The following SPOCK3 variants were observed in gnomAD, a reference collection of about 807,000 sequenced individuals.
SPOCK3 encodes the protein testican-3.
A neutral mutation model predicts 56.6 loss-of-function variants in SPOCK3; 30 were observed. That is an observed-to-expected ratio of 0.53 (90% confidence interval 0.40 to 0.72). The LOEUF (loss-of-function observed/expected upper bound fraction) is 0.72, where lower values mean the gene tolerates loss of function less well. Among genes scored for constraint, SPOCK3 ranks in the 30% least tolerant of loss-of-function variants. SPOCK3 has a pLI of 0.00. For synonymous variants in SPOCK3, 196 were observed against 183.3 expected, an observed-to-expected ratio of 1.07 and a Z score of -0.56; for missense variants, 527 against 530.0, an observed-to-expected ratio of 0.99 and a Z score of 0.06.
intron 4 of SPOCK3, among the ~76,000 whole-genome samples, chr4:166,966,873 T>C (rs1237963654): frequency 3.9e-5 from 6 of 152,096 alleles, no homozygotes; most frequent in African/African-American, 9.7e-5. Context: ...ATAAATTAGC[T>C]CTATTTCCCA....
In SPOCK3 at chr4:167,101,857, G is replaced by A. The variant is rs200989757; in HGVS notation, c.190-39320C>T. On this transcript the variant is annotated intron_variant, in intron 2 of 10. Transcript: ENST00000357545. ...CCTGCCTCAGCCTCCAAAGTAGCTG[G>A]GACTACAGGTATGCACCACCATGCC... Among the ~76,000 whole-genome samples the A allele has an allele frequency of 3.3e-4, 50 of 151,584 alleles. 2 individuals are homozygous for A. In the East Asian group the frequency reaches 9.6e-3, roughly 29 times the overall value.
At chr4:167,013,608 G>T (rs1403388071) in intron 3 of SPOCK3, among the ~76,000 whole-genome samples, 1 of 151,550 alleles carries the variant, frequency 6.6e-6, no homozygotes, top group African/African-American at 2.4e-5. Flanking sequence ...ATATAATAAA[G>T]ATGAAGATAC....
chr4:166,778,279 T>C (rs1739787790), intron 7 of SPOCK3, among the ~76,000 whole-genome samples: 1 of 152,206 alleles, frequency 6.6e-6, no homozygotes, highest in African/African-American at 2.4e-5. Context: ...GCAGTACATT[T>C]CCCAATCTTA....
At chr4:166,749,075 G>C (rs764737318) in intron 8 of SPOCK3, among the ~76,000 whole-genome samples, 1 of 137,368 alleles carries the variant, frequency 7.3e-6, no homozygotes, top group African/African-American at 3.1e-5. Flanking sequence ...GGAAGGCAGT[G>C]TGGTGATTCC....
intron 2 of SPOCK3, among the ~76,000 whole-genome samples, chr4:167,222,805 A>G (rs1271624236): frequency 1.0e-4 from 12 of 115,762 alleles, no homozygotes; most frequent in South Asian, 9.7e-4. Context: ...ATATTGATAT[A>G]TGAATATATA....
At chr4:166,905,776 C>T (rs144635063) in intron 5 of SPOCK3, among the ~76,000 whole-genome samples, 2 of 151,706 alleles carry the variant, frequency 1.3e-5, no homozygotes, top group Admixed American at 1.3e-4. Context: ...GTGAATTTAG[C>T]AAAGTGGCAA....
At chr4:167,161,718 T>G (rs944839431) in intron 2 of SPOCK3, among the ~76,000 whole-genome samples, 3 of 151,866 alleles carry the variant, frequency 2.0e-5, no homozygotes, top group Non-Finnish European at 2.9e-5. Flanking sequence ...CCACAAAAAA[T>G]GATGAGTTCA....
intron 5 of SPOCK3, among the ~76,000 whole-genome samples, 153 bp from the exon 6 acceptor site, chr4:166,889,397 C>T (rs529006562): frequency 6.6e-6 from 1 of 151,884 alleles, no homozygotes; most frequent in Non-Finnish European, 1.5e-5. Flanking sequence ...TGCAATATTA[C>T]ACACTTATGT....
At position 166,946,910 on chromosome 4, in the gene SPOCK3, T is replaced by A. The variant is rs376671661; in HGVS notation, c.351-34167A>T. Among the ~76,000 whole-genome samples, 79 of 152,216 alleles carry A rather than the reference T, an allele frequency of 5.2e-4. 1 individual carries two copies. Among genetic ancestry groups the A allele is most frequent in the African/African-American group, 1.5e-3 (64 of 41,550 alleles). On this transcript the variant is annotated intron_variant, in intron 4 of 10. Transcript: ENST00000357545. ...AATGAAGGTGTTCAGTACAAAACAA[T>A]CAACATCACCAATGAAAAACCCTAA...
intron 2 of SPOCK3, among the ~76,000 whole-genome samples, chr4:167,202,411 A>C (rs1204217830): frequency 3.9e-5 from 6 of 152,006 alleles, no homozygotes; most frequent in African/African-American, 1.4e-4. Context: ...CAGTTTATGC[A>C]AAGTGTATAA....
Position 166,734,978 on chromosome 4 carries a change from ATCATCTTCAATTTCATCT to A in SPOCK3, c.1227_1244del (p.Glu409_Asp414del). On this transcript the variant is annotated inframe_deletion, in exon 11 of 11. Transcript: ENST00000357545. Reference sequence around the variant, plus strand: ...CATCATCATCCCCTTCATCTTCATCATCATCTTCAATTTCATCTTCATCATTCATAATATCGTCTTCAT... The same window carrying A: ...CATCATCATCCCCTTCATCTTCATCATCATCATTCATAATATCGTCTTCAT... The A allele has an allele frequency of 6.6e-7, 1 of 1,524,422 alleles. No homozygotes were observed. The highest frequency in any genetic ancestry group is 9.1e-7 in the Non-Finnish European group (1 of 1,099,220). 94.4% of individuals were successfully genotyped at this position (1,524,422 alleles called of 1,614,324 possible).
At chr4:167,011,223 T>C (rs775252451) in intron 3 of SPOCK3, 1 of 447,682 alleles carries the variant, frequency 2.2e-6, no homozygotes, top group South Asian at 1.6e-5. Context: ...AAAGCTTACC[T>C]GGCAAGTACT....
At position 166,779,605 on chromosome 4, in the gene SPOCK3, A is replaced by T. The variant is rs560489901; in HGVS notation, c.709+12565T>A. Among the ~76,000 whole-genome samples the T allele has an allele frequency of 2.6e-5, 4 of 152,258 alleles. No individual in the cohort carries two copies. The South Asian group carries it at 8.3e-4, about 32-fold the overall frequency. On this transcript the variant is annotated intron_variant, in intron 7 of 10. Coordinates refer to ENST00000357545, the MANE Select transcript of SPOCK3 (RefSeq NM_001040159.2). ...AAAAAAAGAAAAAGATTGAGAAAAA[A>T]CTAAATAGAACCTCAGGGAACTGTT...
intron 5 of SPOCK3, among the ~76,000 whole-genome samples, chr4:166,899,113 C>T (rs974927361): frequency 6.6e-6 from 1 of 151,976 alleles, no homozygotes; most frequent in East Asian, 1.9e-4. Flanking sequence ...TGGCCCTTGA[C>T]TCTCACACCT....
At chr4:167,159,438 G>A (rs1765092102) in intron 2 of SPOCK3, among the ~76,000 whole-genome samples, 1 of 151,798 alleles carries the variant, frequency 6.6e-6, no homozygotes, top group African/African-American at 2.4e-5. Context: ...CCGGAGGAAA[G>A]GAACATCCTT....
chr4:167,217,606 A>G (rs1042258850), intron 2 of SPOCK3, among the ~76,000 whole-genome samples: 1 of 152,082 alleles, frequency 6.6e-6, no homozygotes, highest in Non-Finnish European at 1.5e-5. Context: ...AGAAGACTGT[A>G]TATGAAAATA....
At chr4:167,098,137 A>C (rs1469047842) in intron 2 of SPOCK3, among the ~76,000 whole-genome samples, 1 of 151,936 alleles carries the variant, frequency 6.6e-6, no homozygotes, top group Non-Finnish European at 1.5e-5. Context: ...AACTCTTATA[A>C]GGTCTTTTCT....
At chr4:167,234,422 G>A (rs1409285674) in intron 1 of SPOCK3, 28 bp downstream of exon 1, 5 of 572,946 alleles carry the variant, frequency 8.7e-6, no homozygotes, top group South Asian at 4.3e-5. Context: ...AGCCCGAGCG[G>A]GCACAAAACC....
intron 3 of SPOCK3, among the ~76,000 whole-genome samples, chr4:167,059,557 C>T (rs1755346433): frequency 6.6e-6 from 1 of 152,056 alleles, no homozygotes; most frequent in African/African-American, 2.4e-5. Flanking sequence ...GTTGTTGGGA[C>T]TGTAAACTAG....
Sources: allele counts gnomAD v4.1 joint callset (sites outside exome capture counted in the v4.1 genomes callset), GRCh38; gene constraint gnomAD v4.1.1; transcripts MANE v1.5; gene names NCBI Gene and HGNC (gene_info 2026-07-23, HGNC 2026-07-21).